ARHGEF10: variants seen among roughly 807,000 people sequenced by gnomAD.
ARHGEF10 encodes the protein Rho guanine nucleotide exchange factor (GEF) 10.
A neutral mutation model predicts 147.4 loss-of-function variants in ARHGEF10; 140 were observed. The observed-to-expected ratio is 0.95, with a 90% CI of 0.83 to 1.09. The LOEUF (loss-of-function observed/expected upper bound fraction) is 1.09. Among genes scored for constraint, ARHGEF10 ranks in the 50% least tolerant of loss-of-function variants. The pLI is 0.00. For missense variants in ARHGEF10, 2,222 were observed against 1,752.7 expected (o/e 1.27, Z -4.78); for synonymous variants, 902 against 695.8 (o/e 1.30, Z -4.67).
intron 6 of ARHGEF10, among the ~76,000 whole-genome samples, chr8:1,868,646 T>A (rs1806822392): frequency 6.6e-6 from 1 of 152,258 alleles, no homozygotes; most frequent in African/African-American, 2.4e-5. Flanking sequence ...AGCATTTTGA[T>A]ACTTGCTACT....
intron 17 of ARHGEF10, among the ~76,000 whole-genome samples, chr8:1,906,529 C>T (rs923468078): frequency 3.9e-5 from 6 of 152,126 alleles, no homozygotes; most frequent in Non-Finnish European, 8.8e-5. Flanking sequence ...TTTTCATGCC[C>T]GTCGCCCCCA....
chr8:1,835,381 C>T (rs999068064), intron 1 of ARHGEF10, among the ~76,000 whole-genome samples: 1 of 152,140 alleles, frequency 6.6e-6, no homozygotes, highest in Non-Finnish European at 1.5e-5. Context: ...GGGGTACAGG[C>T]AGGTCAAGGG....
chr8:1,906,835 G>C (rs974826375), intron 17 of ARHGEF10, among the ~76,000 whole-genome samples: 1 of 152,236 alleles, frequency 6.6e-6, no homozygotes, highest in Non-Finnish European at 1.5e-5. Context: ...CTGCCTGCGA[G>C]GGACAGGTTT....
In ARHGEF10 at chr8:1,850,189, GTGGGGCGGCCACA is replaced by G. The variant is rs1563174596; in HGVS notation, c.37+6758_37+6770del. Reference sequence around the variant, plus strand: ...ACAGAGGGCAAATGCTGAGGAGGGCGTGGGGCGGCCACATGGGCATGGATGGCAAATGCTAAGG... The same window carrying G: ...ACAGAGGGCAAATGCTGAGGAGGGCGTGGGCATGGATGGCAAATGCTAAGG... On this transcript the variant is annotated intron_variant, in intron 2 of 28. Transcript: ENST00000349830. 1.9e-4 allele frequency among the ~76,000 whole-genome samples: 16 copies of G among 82,074 alleles called. 2 individuals are homozygous for G. Among genetic ancestry groups the G allele is most frequent in the African/African-American group, 6.6e-4 (16 of 24,180 alleles). 53.8% of individuals were successfully genotyped at this position (82,074 alleles called of 152,430 possible). A position where few individuals can be genotyped will look rare whatever the true frequency, so the allele number is the denominator to read the frequency against.
chr8:1,843,452 A>G lies in ARHGEF10; in HGVS notation c.37+16A>G, dbSNP rs1347966672. The stretch of plus-strand genomic sequence containing the variant: ...GCTCCTGCAGGTAACAGCACTCAGT[A>G]GGTGGGCCTGTGGGTCAGGTTGTGC... On this transcript the variant is annotated intron_variant, in intron 2 of 28. Coordinates refer to ENST00000349830, the MANE Select transcript of ARHGEF10 (RefSeq NM_014629.4). 1.2e-6 allele frequency: 2 copies of G among 1,605,902 alleles called. No homozygotes were observed. Among genetic ancestry groups the G allele is most frequent in the South Asian group, 1.1e-5 (1 of 90,734 alleles).
At chr8:1,952,949 T>C (rs1815177327) in intron 28 of ARHGEF10, 122 bp downstream of exon 28, 1 of 1,403,446 alleles carries the variant, frequency 7.1e-7, no homozygotes, top group African/African-American at 1.4e-5. Context: ...CTGTGGTTTT[T>C]CAGTGTATTA....
At chr8:1,920,694 G>A (rs1487576276) in intron 18 of ARHGEF10, among the ~76,000 whole-genome samples, 1 of 152,152 alleles carries the variant, frequency 6.6e-6, no homozygotes, top group Admixed American at 6.5e-5. Flanking sequence ...AAGCAAATAT[G>A]TGTGTTATGA....
chr8:1,945,454 A>T, intron 26 of ARHGEF10, 27 bp from the exon 27 acceptor site: 1 of 1,565,028 alleles, frequency 6.4e-7, no homozygotes, highest in South Asian at 1.2e-5. Flanking sequence ...CCACGGGGCT[A>T]GCAGACTTGA....
At chr8:1,840,957 G>A (rs575727285) in intron 1 of ARHGEF10, among the ~76,000 whole-genome samples, 9 of 152,318 alleles carry the variant, frequency 5.9e-5, no homozygotes, top group African/African-American at 2.2e-4. Flanking sequence ...CACCTGCAAG[G>A]GCACCCGATG....
chr8:1,945,172 G>A (rs368812419), intron 26 of ARHGEF10, among the ~76,000 whole-genome samples: 1 of 152,224 alleles, frequency 6.6e-6, no homozygotes, highest in East Asian at 1.9e-4. Context: ...GATGGATCCT[G>A]TGCCTCCCCT....
At chr8:1,905,488 G>T in intron 16 of ARHGEF10, 83 bp from the exon 17 acceptor site, 1 of 1,567,092 alleles carries the variant, frequency 6.4e-7, no homozygotes, top group South Asian at 1.1e-5. Context: ...GTCACCCTGA[G>T]ACTCCATACC....
At position 1,824,006 on chromosome 8, in the gene ARHGEF10, G is replaced by GACGCGGGGGACGGCGGGGGACGGCGGGGA. The variant is rs1563137293; in HGVS notation, c.-152_-151insCGGGGGACGGCGGGGGACGGCGGGGAACG. 1 of 131,748 alleles carries GACGCGGGGGACGGCGGGGGACGGCGGGGA rather than the reference G, an allele frequency of 7.6e-6. No individual in the cohort carries two copies. The highest frequency in any genetic ancestry group is 1.7e-5 in the Non-Finnish European group (1 of 60,110). 8.2% of individuals were successfully genotyped at this position (131,748 alleles called of 1,614,324 possible). On this transcript the variant is annotated 5_prime_UTR_variant, in exon 1 of 29. Transcript: ENST00000349830. ...CGCGGGGGACGCGGGGGACGCGGGG[G>GACGCGGGGGACGGCGGGGGACGGCGGGGA]ACGGCGGGGAACGGCGGGGGACGGC...
intron 26 of ARHGEF10, among the ~76,000 whole-genome samples, chr8:1,940,476 G>C (rs76188191): frequency 6.6e-6 from 1 of 152,190 alleles, no homozygotes; most frequent in Non-Finnish European, 1.5e-5. Context: ...TAAGGAAATT[G>C]AATCAGTAAT....
chr8:1,868,600 C>T (rs758241846), intron 6 of ARHGEF10, among the ~76,000 whole-genome samples: 3 of 152,144 alleles, frequency 2.0e-5, no homozygotes, highest in Non-Finnish European at 4.4e-5. Flanking sequence ...CAGTGTTGCA[C>T]GTGATACAGA....
At chr8:1,946,074 C>T (rs73671062) in intron 27 of ARHGEF10, among the ~76,000 whole-genome samples, 1 of 152,032 alleles carries the variant, frequency 6.6e-6, no homozygotes, top group Non-Finnish European at 1.5e-5. Context: ...CAACAGAGGC[C>T]TATGTTTGTG....
Position 1,858,594 on chromosome 8 carries a change from G to A in ARHGEF10, c.193+479G>A, listed in dbSNP as rs1403491891. ...TAAAAGAAATATTCAGAACATGTGGGATGAAGTAGCTGTAGAGGTTTCGCT... is the reference window on the plus strand; with the variant it reads ...TAAAAGAAATATTCAGAACATGTGGAATGAAGTAGCTGTAGAGGTTTCGCT... On this transcript the variant is annotated intron_variant, in intron 3 of 28. Transcript: ENST00000349830. Among the ~76,000 whole-genome samples the A allele has an allele frequency of 7.2e-5, 11 of 152,298 alleles. No individual in the cohort carries two copies. In the East Asian group the frequency reaches 1.5e-3, roughly 21 times the overall value.
intron 15 of ARHGEF10, among the ~76,000 whole-genome samples, chr8:1,901,963 A>T (rs1440847479): frequency 6.8e-6 from 1 of 147,178 alleles, no homozygotes; most frequent in East Asian, 2.1e-4. Flanking sequence ...CATGTCAAAG[A>T]TGGTAGGCAA....
Position 1,929,413 on chromosome 8 carries a change from G to A in ARHGEF10, c.3049G>A (p.Gly1017Arg), listed in dbSNP as rs1333733401. 5 of 1,610,922 alleles carry A rather than the reference G, an allele frequency of 3.1e-6. No homozygotes were observed. Among genetic ancestry groups the A allele is most frequent in the East Asian group, 2.2e-5 (1 of 44,846 alleles). Residue 1017 changes from glycine to arginine, a missense_variant, in exon 25 of 29, where the codon GGG (glycine) becomes AGG (arginine). Transcript: ENST00000349830. Reference sequence around the variant, plus strand: ...GAGCCTGTACGCTGGCCTGGTCAACGGGGCAGTCGCCAGCTACGCCAGAGC... The same window carrying A: ...GAGCCTGTACGCTGGCCTGGTCAACAGGGCAGTCGCCAGCTACGCCAGAGC... ...SQSLYAGLVN[G>R]AVASYARAPD...
At chr8:1,907,269 C>T (rs532312096) in intron 17 of ARHGEF10, among the ~76,000 whole-genome samples, 10 of 152,248 alleles carry the variant, frequency 6.6e-5, no homozygotes, top group African/African-American at 2.4e-4. Context: ...TGTCCCAGAA[C>T]CCCCCTCTCC....
Sources: gnomAD v4.1 joint callset for allele counts (sites outside exome capture counted in the v4.1 genomes callset) on GRCh38, gnomAD v4.1.1 for gene constraint, MANE v1.5 for transcripts, NCBI Gene and HGNC (gene_info 2026-07-23, HGNC 2026-07-21) for gene names.